ARHGAP26: variants seen among roughly 807,000 people sequenced by gnomAD.
ARHGAP26 encodes Rho GTPase activating protein 26, also known as rho GTPase-activating protein 26.
In ARHGAP26, 38 loss-of-function variants were observed where a neutral mutation model predicts 104.8. That is an observed-to-expected ratio of 0.36 (90% confidence interval 0.28 to 0.48). The LOEUF (loss-of-function observed/expected upper bound fraction) is 0.48, where lower values mean the gene tolerates loss of function less well. Ranked by LOEUF, ARHGAP26 falls within the 20% of genes least tolerant of loss-of-function variation. The pLI is 0.99. For synonymous variants in ARHGAP26, 341 were observed against 340.0 expected (o/e 1.00, Z -0.03); for missense variants, 704 against 947.9 (o/e 0.74, Z 3.38).
chr5:142,873,304 T>A, intron 1 of ARHGAP26, 96 bp from the exon 2 acceptor site: 2 of 824,484 alleles, frequency 2.4e-6, no homozygotes, highest in Non-Finnish European at 3.8e-6. Context: ...CAAATCCGCC[T>A]CCTAAGATAT....
In ARHGAP26 at chr5:142,799,724, A is replaced by G. The variant is rs114534769; in HGVS notation, c.154+28809A>G. On this transcript the variant is annotated intron_variant, in intron 1 of 22. Coordinates refer to ENST00000645722, the MANE Select transcript of ARHGAP26 (RefSeq NM_001135608.3). ...GTTGGAAGGGCAAAGAGAGGATGAG[A>G]GAGGCAAAAGGGAGCAAACCCATCT... 5.0e-3 allele frequency among the ~76,000 whole-genome samples: 755 copies of G among 152,286 alleles called. 8 individuals are homozygous for G. The highest frequency in any genetic ancestry group is 0.017 in the African/African-American group (723 of 41,554).
At chr5:143,002,405 G>T (rs1777313637) in intron 11 of ARHGAP26, among the ~76,000 whole-genome samples, 1 of 151,522 alleles carries the variant, frequency 6.6e-6, no homozygotes. Flanking sequence ...TGGGGGTTGG[G>T]GAGGGGAGCA....
chr5:143,062,832 G>C (rs1001793672), intron 17 of ARHGAP26, among the ~76,000 whole-genome samples: 1 of 152,090 alleles, frequency 6.6e-6, no homozygotes, highest in Non-Finnish European at 1.5e-5. Flanking sequence ...CCCAAATCTA[G>C]AAGATAAGAT....
intron 5 of ARHGAP26, among the ~76,000 whole-genome samples, chr5:142,887,398 T>C (rs536141799): frequency 1.9e-4 from 29 of 152,354 alleles, no homozygotes; most frequent in Admixed American, 1.6e-3. Context: ...GTCCTACTTA[T>C]GTTATACATG....
At chr5:143,204,052 G>A (rs988377758) in intron 20 of ARHGAP26, among the ~76,000 whole-genome samples, 18 of 145,742 alleles carry the variant, frequency 1.2e-4, no homozygotes, top group Admixed American at 1.2e-3. Flanking sequence ...ATGTATCCCA[G>A]AACTTAAAGT....
chr5:143,161,212 G>A (rs1391575963), intron 20 of ARHGAP26, among the ~76,000 whole-genome samples: 6 of 151,730 alleles, frequency 4.0e-5, no homozygotes, highest in Non-Finnish European at 8.8e-5. Context: ...GGGTTTTACC[G>A]TGTTGGCCAG....
intron 6 of ARHGAP26, among the ~76,000 whole-genome samples, chr5:142,898,255 T>C (rs1759771970): frequency 6.6e-6 from 1 of 152,158 alleles, no homozygotes; most frequent in Non-Finnish European, 1.5e-5. Flanking sequence ...TATGTATGTA[T>C]ATATTTGCAC....
intron 14 of ARHGAP26, among the ~76,000 whole-genome samples, chr5:143,047,617 T>A (rs1784404724): frequency 6.6e-6 from 1 of 152,218 alleles, no homozygotes; most frequent in South Asian, 2.1e-4. Context: ...TTTGCCATGC[T>A]GTGTATTACT....
intron 1 of ARHGAP26, among the ~76,000 whole-genome samples, chr5:142,794,311 A>C (rs1760504066): frequency 6.6e-6 from 1 of 152,184 alleles, no homozygotes; most frequent in Non-Finnish European, 1.5e-5. Flanking sequence ...GGGTAAAATA[A>C]GTGTTCTGAA....
intron 20 of ARHGAP26, among the ~76,000 whole-genome samples, chr5:143,181,535 C>T (rs990351188): frequency 6.6e-6 from 1 of 152,208 alleles, no homozygotes; most frequent in African/African-American, 2.4e-5. Flanking sequence ...AGTGTGTTGT[C>T]ATCACCTGGT....
chr5:142,963,181 T>TATATATATATAC (rs1770609168), intron 11 of ARHGAP26, among the ~76,000 whole-genome samples: 23 of 111,568 alleles, frequency 2.1e-4, no homozygotes, highest in African/African-American at 1.1e-3. Context: ...TGTATATATA[T>TATATATATATAC]ATATATATAT....
intron 17 of ARHGAP26, among the ~76,000 whole-genome samples, chr5:143,075,091 A>T (rs1050020166): frequency 1.2e-4 from 19 of 152,222 alleles, no homozygotes; most frequent in Admixed American, 3.3e-4. Context: ...CTAAAGCTGC[A>T]TGTTTTCTGT....
rs1261352211 is a variant in ARHGAP26, at chr5:143,227,873, T to C, written c.*5427T>C. Reference sequence around the variant, plus strand: ...TTACTGAGGAGAAAAAAAAAAGCGATCACAGAAAAATTTCACAGCTAATAT... The same window carrying C: ...TTACTGAGGAGAAAAAAAAAAGCGACCACAGAAAAATTTCACAGCTAATAT... On this transcript the variant is annotated 3_prime_UTR_variant, in exon 23 of 23. Transcript: ENST00000645722. 1 of 221,128 alleles carries C rather than the reference T, an allele frequency of 4.5e-6. No homozygotes were observed. The highest frequency in any genetic ancestry group is 6.6e-5 in the East Asian group (1 of 15,132). 13.7% of individuals were successfully genotyped at this position (221,128 alleles called of 1,614,324 possible).
Position 143,226,888 on chromosome 5 carries a change from G to C in ARHGAP26, c.*4442G>C, listed in dbSNP as rs1162608869. ...GGGCATCCCAAGGCACTTGCCCAGA[G>C]CTGCAGAGTTGTGTGTGCCATACCT... On this transcript the variant is annotated 3_prime_UTR_variant, in exon 23 of 23. Coordinates refer to ENST00000645722, the MANE Select transcript of ARHGAP26 (RefSeq NM_001135608.3). 4.4e-6 allele frequency: 1 copy of C among 226,430 alleles called. No individual in the cohort carries two copies. The highest frequency in any genetic ancestry group is 2.2e-5 in the African/African-American group (1 of 44,940). 14.0% of individuals were successfully genotyped at this position (226,430 alleles called of 1,614,324 possible).
At chr5:143,176,193 TTC>T (rs1274508307) in intron 20 of ARHGAP26, among the ~76,000 whole-genome samples, 2 of 152,208 alleles carry the variant, frequency 1.3e-5, no homozygotes, top group East Asian at 3.8e-4. Context: ...GATTTATGTC[TTC>T]TCTTAGCCAG....
intron 1 of ARHGAP26, among the ~76,000 whole-genome samples, chr5:142,848,036 G>A (rs1376247544): frequency 6.6e-6 from 1 of 152,216 alleles, no homozygotes; most frequent in African/African-American, 2.4e-5. Context: ...TCCACACACA[G>A]TTGTTCAATC....
In ARHGAP26 at chr5:143,025,677, G is replaced by A. The variant is rs146006656; in HGVS notation, c.1145-11519G>A. Among the ~76,000 whole-genome samples, 16 of 152,316 alleles carry A rather than the reference G, an allele frequency of 1.1e-4. 1 individual carries two copies. The highest frequency in any genetic ancestry group is 3.8e-4 in the African/African-American group (16 of 41,574). On this transcript the variant is annotated intron_variant, in intron 12 of 22. Transcript: ENST00000645722. ...TGCTATTCTGATTTGGAATTTTAAGGTGGACTAGGAGATTGCAGAAGTAGA... is the reference window on the plus strand; with the variant it reads ...TGCTATTCTGATTTGGAATTTTAAGATGGACTAGGAGATTGCAGAAGTAGA...
At chr5:143,129,610 A>G (rs1194534721) in intron 18 of ARHGAP26, among the ~76,000 whole-genome samples, 2 of 152,246 alleles carry the variant, frequency 1.3e-5, no homozygotes, top group Non-Finnish European at 2.9e-5. Context: ...GTGACCTTGG[A>G]CAAATCAGTG....
In ARHGAP26 at chr5:142,871,423, T is replaced by C. The variant is rs1448766727; in HGVS notation, c.155-1977T>C. On this transcript the variant is annotated intron_variant, in intron 1 of 22. Coordinates refer to ENST00000645722, the MANE Select transcript of ARHGAP26 (RefSeq NM_001135608.3). This position sits in a 1 kb window ranked among gnomAD's most constrained non-coding sequence, Gnocchi z 4.1. ...CCTGTTTCCACTTTGTTGAGATGATTGAGTTTCTCTTGCTTATGGGGGAGG... is the reference window on the plus strand; with the variant it reads ...CCTGTTTCCACTTTGTTGAGATGATCGAGTTTCTCTTGCTTATGGGGGAGG... 6.6e-6 allele frequency among the ~76,000 whole-genome samples: 1 copy of C among 152,150 alleles called. No homozygotes were observed. The highest frequency in any genetic ancestry group is 1.5e-5 in the Non-Finnish European group (1 of 68,012).
Sources: allele counts gnomAD v4.1 joint callset (sites outside exome capture counted in the v4.1 genomes callset), GRCh38; gene constraint gnomAD v4.1.1; non-coding constraint Gnocchi (gnomAD v3.1); transcripts MANE v1.5; gene names NCBI Gene and HGNC (gene_info 2026-07-23, HGNC 2026-07-21).